The following CTNNA2 variants were observed in gnomAD, a reference collection of about 807,000 sequenced individuals.
The protein encoded by CTNNA2 is catenin alpha-2.
Under a neutral mutation model 101.0 loss-of-function variants are expected in CTNNA2, and 42 were observed. That is an observed-to-expected ratio of 0.42 (90% CI 0.32 to 0.54). The LOEUF (loss-of-function observed/expected upper bound fraction) is 0.54, where lower values mean the gene tolerates loss of function less well. CTNNA2 is among the 20% of genes least tolerant of loss of function. The pLI, the probability that CTNNA2 is intolerant of heterozygous loss-of-function variation, is 0.14. For missense variants in CTNNA2, 871 were observed against 1,223.1 expected (o/e 0.71, Z 4.29); for synonymous variants, 450 against 456.4 (o/e 0.99, Z 0.18).
chr2:80,548,802 C>T (rs897710975), intron 11 of CTNNA2, among the ~76,000 whole-genome samples: 3 of 152,298 alleles, frequency 2.0e-5, no homozygotes, highest in East Asian at 1.9e-4. Context: ...AACTACTTCT[C>T]ATCTTCTCTC....
intron 7 of CTNNA2, among the ~76,000 whole-genome samples, chr2:80,329,408 A>T (rs1006244624): frequency 7.2e-5 from 11 of 152,216 alleles, no homozygotes; most frequent in Admixed American, 5.2e-4. Context: ...ATCCCATTGC[A>T]CCAGGTTGCT....
chr2:79,614,717 A>T (rs1479258733), intron 1 of CTNNA2, among the ~76,000 whole-genome samples: 1 of 152,148 alleles, frequency 6.6e-6, no homozygotes, highest in Non-Finnish European at 1.5e-5. Flanking sequence ...TTATCTCTTC[A>T]TATGCAAAAT....
chr2:80,041,775 T>G (rs970380523), intron 7 of CTNNA2, among the ~76,000 whole-genome samples: 1 of 152,174 alleles, frequency 6.6e-6, no homozygotes, highest in African/African-American at 2.4e-5. Flanking sequence ...GTCAACCCCC[T>G]GGAAGATATT....
chr2:80,258,763 C>G (rs1239843618), intron 7 of CTNNA2, among the ~76,000 whole-genome samples: 2 of 152,102 alleles, frequency 1.3e-5, no homozygotes, highest in Admixed American at 6.5e-5. Flanking sequence ...CAACCCTGGT[C>G]GGAAGGCAGT....
intron 2 of CTNNA2, among the ~76,000 whole-genome samples, chr2:79,665,957 C>G (rs1198450803): frequency 6.6e-6 from 1 of 152,138 alleles, no homozygotes; most frequent in Admixed American, 6.5e-5. Flanking sequence ...TCATTCTAAA[C>G]TGTAGTTTTC....
At chr2:80,283,843 G>T (rs923191527) in intron 7 of CTNNA2, among the ~76,000 whole-genome samples, 1 of 152,010 alleles carries the variant, frequency 6.6e-6, no homozygotes, top group African/African-American at 2.4e-5. Context: ...GGCAAAAGAA[G>T]GGTAAGGAAA....
chr2:79,805,278 A>G (rs1031052517), intron 3 of CTNNA2, among the ~76,000 whole-genome samples: 3 of 152,224 alleles, frequency 2.0e-5, no homozygotes, highest in South Asian at 2.1e-4. Flanking sequence ...TTTGCATTAT[A>G]TAATGGGATA....
chr2:80,388,282 G>C (rs1677199423), intron 7 of CTNNA2, among the ~76,000 whole-genome samples: 1 of 152,148 alleles, frequency 6.6e-6, no homozygotes, highest in South Asian at 2.1e-4. Context: ...CCTTATCTTT[G>C]AGGGGAATGA....
intron 4 of CTNNA2, among the ~76,000 whole-genome samples, chr2:79,393,470 T>A (rs1678195979): frequency 6.6e-6 from 1 of 152,110 alleles, no homozygotes; most frequent in Admixed American, 6.6e-5. Flanking sequence ...CTGGCAGAAT[T>A]GAGTCGTTGT....
chr2:79,477,558 G>A (rs1023663229), intron 4 of CTNNA2, among the ~76,000 whole-genome samples: 4 of 152,052 alleles, frequency 2.6e-5, no homozygotes, highest in Non-Finnish European at 4.4e-5. Context: ...GAATAAAGGA[G>A]AAAAAAATGT....
At chr2:79,686,912 A>G (rs902259552) in intron 2 of CTNNA2, among the ~76,000 whole-genome samples, 60 of 152,176 alleles carry the variant, frequency 3.9e-4, no homozygotes, top group African/African-American at 1.4e-3. Context: ...CACTCCATTA[A>G]TTTAAAGTGA....
At chr2:79,369,384 G>A (rs780052859) in intron 3 of CTNNA2, among the ~76,000 whole-genome samples, 14 of 152,218 alleles carry the variant, frequency 9.2e-5, no homozygotes, top group Middle Eastern at 6.8e-3. Context: ...CTGCTGCTGC[G>A]ATCCCAGTGT....
chr2:79,247,101 C>A (rs1429566938), intron 2 of CTNNA2, among the ~76,000 whole-genome samples: 2 of 152,118 alleles, frequency 1.3e-5, no homozygotes, highest in Non-Finnish European at 2.9e-5. Flanking sequence ...TAGGCAGAGA[C>A]AGCTTTTAGG....
chr2:79,239,496 G>A (rs1280143314), intron 2 of CTNNA2, among the ~76,000 whole-genome samples: 1 of 151,990 alleles, frequency 6.6e-6, no homozygotes, highest in Non-Finnish European at 1.5e-5. Flanking sequence ...CTCCAGCCTG[G>A]GTGACAGAGA....
At chr2:80,122,320 C>G (rs1000851624) in intron 7 of CTNNA2, among the ~76,000 whole-genome samples, 3 of 151,080 alleles carry the variant, frequency 2.0e-5, no homozygotes, top group East Asian at 2.0e-4. Flanking sequence ...CTCTGTTTCC[C>G]CCTCTTTCTC....
At chr2:80,623,751 C>CT (rs767107760) in intron 18 of CTNNA2, among the ~76,000 whole-genome samples, 1 of 151,894 alleles carries the variant, frequency 6.6e-6, no homozygotes, top group Non-Finnish European at 1.5e-5. Flanking sequence ...CCCCATCCCA[C>CT]TCCCCAGCAC....
chr2:80,265,546 T>A (rs1044335458), intron 7 of CTNNA2, among the ~76,000 whole-genome samples: 8 of 152,188 alleles, frequency 5.3e-5, no homozygotes, highest in African/African-American at 1.9e-4. Context: ...CAGAGTATAG[T>A]CTTGAGACCC....
chr2:80,181,297 G>A (rs2148980755), intron 7 of CTNNA2, among the ~76,000 whole-genome samples: 1 of 152,276 alleles, frequency 6.6e-6, no homozygotes, highest in East Asian at 1.9e-4. Context: ...GGCAGCATGG[G>A]TGGGGAAGGA....
chr2:80,327,237 A>G (rs1350077930), intron 7 of CTNNA2, among the ~76,000 whole-genome samples: 1 of 152,232 alleles, frequency 6.6e-6, no homozygotes, highest in East Asian at 1.9e-4. Flanking sequence ...TCTGTCACCA[A>G]TTCCTCATTG....
Sources: gnomAD v4.1 joint callset for allele counts (sites outside exome capture counted in the v4.1 genomes callset) on GRCh38, gnomAD v4.1.1 for gene constraint, MANE v1.5 for transcripts, NCBI Gene and HGNC (gene_info 2026-07-23, HGNC 2026-07-21) for gene names.